The following U2SURP variants were observed in gnomAD, a reference collection of about 807,000 sequenced individuals.
U2SURP encodes the protein U2 snRNP associated SURP domain containing, also known as U2 snRNP-associated SURP motif-containing protein.
A neutral mutation model predicts 144.9 loss-of-function variants in U2SURP; 9 were observed. The observed-to-expected ratio is 0.06, with a 90% confidence interval of 0.04 to 0.11. The LOEUF is 0.11. Among genes scored for constraint, U2SURP ranks in the 10% least tolerant of loss-of-function variants. The probability of loss-of-function intolerance (pLI) is 1.00; values close to 1 mark genes in which losing one functional copy is unlikely to be tolerated. For missense variants in U2SURP, 724 were observed against 1,226.7 expected, an observed-to-expected ratio of 0.59 and a Z score of 6.12; for synonymous variants, 408 against 396.8, an observed-to-expected ratio of 1.03 and a Z score of -0.33.
At chr3:143,042,855 G>A (rs1934190479) in intron 23 of U2SURP, among the ~76,000 whole-genome samples, 1 of 152,136 alleles carries the variant, frequency 6.6e-6, no homozygotes, top group Non-Finnish European at 1.5e-5. Context: ...AAGGCACACA[G>A]ATAACAACAT....
In U2SURP at chr3:143,057,887, T is replaced by TG. The variant is rs143332183; in HGVS notation, c.*1438dup. 5,653 of 152,502 alleles carry TG rather than the reference T, an allele frequency of 0.037. 147 individuals carry two copies. Among genetic ancestry groups the TG allele is most frequent in the Middle Eastern group, 0.061 (18 of 294 alleles). The allele number at this position is 152,502 out of a possible 1,614,324, so 9.4% of individuals were successfully genotyped here. ...GAGAGTTCCTATATTAGCTGAGCAGTGAGATACACTATTTCCAAACGGTGC... is the reference window on the plus strand; with the variant it reads ...GAGAGTTCCTATATTAGCTGAGCAGTGGAGATACACTATTTCCAAACGGTGC... On this transcript the variant is annotated 3_prime_UTR_variant, in exon 28 of 28. Transcript: ENST00000473835.
At chr3:143,041,015 A>G (rs534519738) in intron 23 of U2SURP, among the ~76,000 whole-genome samples, 60 of 152,000 alleles carry the variant, frequency 3.9e-4, no homozygotes, top group African/African-American at 1.4e-3. Flanking sequence ...ATTGAAAGCA[A>G]ACATTTTGGT....
chr3:143,017,110 T>C (rs748923652), intron 6 of U2SURP, 135 bp downstream of exon 6: 10 of 712,120 alleles, frequency 1.4e-5, no homozygotes, highest in Non-Finnish European at 2.1e-5. Context: ...TTTGATGCTT[T>C]CTAACCCAGT....
Position 143,034,831 on chromosome 3 carries a change from A to G in U2SURP, c.1854-57A>G, listed in dbSNP as rs1260406907. 4.2e-6 allele frequency: 5 copies of G among 1,187,942 alleles called. No individual in the cohort carries two copies. In the African/African-American group the frequency reaches 4.6e-5, roughly 11 times the overall value. 73.6% of individuals were successfully genotyped at this position (1,187,942 alleles called of 1,614,324 possible). A position where few individuals can be genotyped will look rare whatever the true frequency, so the allele number is the denominator to read the frequency against. On this transcript the variant is annotated intron_variant, in intron 18 of 27. Coordinates refer to ENST00000473835, the MANE Select transcript of U2SURP (RefSeq NM_001080415.2). ...AGGGGTTTTCATTGGCTGGCATGCT[A>G]AAAGGGAAAGGAATTTTAAACATTT...
At position 143,055,083 on chromosome 3, in the gene U2SURP, A is replaced by G. The variant is rs1307264181; in HGVS notation, c.2915A>G (p.Lys972Arg). 9 of 1,605,982 alleles carry G rather than the reference A, an allele frequency of 5.6e-6. No individual in the cohort carries two copies. The highest frequency in any genetic ancestry group is 7.6e-6 in the Non-Finnish European group (9 of 1,176,880). ...KESSRSRSSH[K>R]DSPRDVSKKA... is the part of the protein sequence containing the mutation. Reference sequence around the variant, plus strand: ...AGCTCACGGTCCAGGTCATCTCACAAAGATTCTCCTAGAGATGTTAGCAAA... The same window carrying G: ...AGCTCACGGTCCAGGTCATCTCACAGAGATTCTCCTAGAGATGTTAGCAAA... The change falls in exon 27 of 28, where the codon AAA becomes AGA. Residue 972 changes from lysine to arginine, a missense_variant. Physicochemically the swap from Lys to Arg is conservative, Grantham distance 26. This residue lies in a region of U2SURP where 129 missense variants were observed against 196.1 expected (regional missense o/e 0.66). Coordinates refer to ENST00000473835, the MANE Select transcript of U2SURP (RefSeq NM_001080415.2).
intron 20 of U2SURP, 57 bp from the exon 21 acceptor site, chr3:143,037,122 A>G: frequency 2.0e-6 from 3 of 1,537,332 alleles, no homozygotes; most frequent in South Asian, 2.4e-5. Flanking sequence ...TTAATCTTAC[A>G]AGCAATGTGA....
chr3:143,029,931 A>G (rs968097663), intron 16 of U2SURP, among the ~76,000 whole-genome samples: 16 of 152,220 alleles, frequency 1.1e-4, no homozygotes, highest in African/African-American at 3.9e-4. Context: ...GCCAAAGCCT[A>G]ATCCTGAGCA....
At chr3:143,037,441 C>T (rs780971149) in intron 21 of U2SURP, 106 bp downstream of exon 21, 11 of 1,044,222 alleles carry the variant, frequency 1.1e-5, no homozygotes, top group Admixed American at 5.5e-5. Flanking sequence ...TTCTCATGAA[C>T]GTATCAAGTT....
At chr3:143,003,935 C>T (rs924021224) in intron 1 of U2SURP, among the ~76,000 whole-genome samples, 1 of 152,162 alleles carries the variant, frequency 6.6e-6, no homozygotes, top group Admixed American at 6.5e-5. Context: ...CGTGATCCAC[C>T]CGCCTCAGCC....
chr3:143,038,681 C>A (rs1216453519), intron 22 of U2SURP, among the ~76,000 whole-genome samples: 1 of 151,920 alleles, frequency 6.6e-6, no homozygotes, highest in Non-Finnish European at 1.5e-5. Context: ...ATAAGGATGA[C>A]ATTATTCGTC....
At chr3:143,021,597 C>T in intron 10 of U2SURP, 42 bp downstream of exon 10, 1 of 1,547,936 alleles carries the variant, frequency 6.5e-7, no homozygotes, top group Non-Finnish European at 8.8e-7. Flanking sequence ...ATGCTTTATG[C>T]TTTTGGAAGA....
At chr3:143,014,760 T>C (rs755163927) in intron 4 of U2SURP, among the ~76,000 whole-genome samples, 1 of 152,140 alleles carries the variant, frequency 6.6e-6, no homozygotes, top group Non-Finnish European at 1.5e-5. Context: ...TAACTTAACA[T>C]TGTATCTCAG....
intron 16 of U2SURP, among the ~76,000 whole-genome samples, chr3:143,029,905 C>T (rs577024683): frequency 2.6e-5 from 4 of 152,302 alleles, no homozygotes; most frequent in Admixed American, 1.3e-4. Flanking sequence ...TCAGACCAGC[C>T]ATAGCACTCC....
intron 24 of U2SURP, among the ~76,000 whole-genome samples, chr3:143,048,491 T>C (rs1257336185): frequency 6.6e-6 from 1 of 152,174 alleles, no homozygotes; most frequent in African/African-American, 2.4e-5. Context: ...CCCCTTGCTT[T>C]CTCAGCCTTA....
chr3:143,057,843 G>A lies in U2SURP; in HGVS notation c.*1393G>A, dbSNP rs1251138417. 6.6e-6 allele frequency: 1 copy of A among 152,230 alleles called. No individual in the cohort carries two copies. Among genetic ancestry groups the A allele is most frequent in the Non-Finnish European group, 1.5e-5 (1 of 67,840 alleles). The allele number at this position is 152,230 out of a possible 1,614,324, so 9.4% of individuals were successfully genotyped here. A position where few individuals can be genotyped will look rare whatever the true frequency, so the allele number is the denominator to read the frequency against. On this transcript the variant is annotated 3_prime_UTR_variant, in exon 28 of 28. Transcript: ENST00000473835. ...TTAATCTTGCCTAGTCACAAAATAA[G>A]ATGTGCACCCATGGTTTGGAGAGTT...
intron 3 of U2SURP, among the ~76,000 whole-genome samples, chr3:143,013,606 A>G (rs1452880416): frequency 1.3e-5 from 2 of 152,132 alleles, no homozygotes; most frequent in Admixed American, 6.5e-5. Flanking sequence ...AAATCAAATG[A>G]GTAACTGACT....
At chr3:143,024,503 C>A (rs1387508557) in intron 13 of U2SURP, 3 of 445,050 alleles carry the variant, frequency 6.7e-6, no homozygotes, top group Non-Finnish European at 1.3e-5. Flanking sequence ...CTATTATTGT[C>A]ATGAACACTG....
intron 25 of U2SURP, among the ~76,000 whole-genome samples, chr3:143,052,559 T>A (rs181695312): frequency 2.1e-4 from 32 of 152,344 alleles, no homozygotes; most frequent in African/African-American, 7.7e-4. Context: ...CCTTGCCTGA[T>A]TCTGTAAATA....
chr3:143,004,201 T>G (rs1441883469), intron 1 of U2SURP, among the ~76,000 whole-genome samples: 1 of 152,164 alleles, frequency 6.6e-6, no homozygotes, highest in African/African-American at 2.4e-5. Flanking sequence ...CTTTGGTAGT[T>G]ACATTCCCGT....
Sources: gnomAD v4.1 joint callset for allele counts (sites outside exome capture counted in the v4.1 genomes callset) on GRCh38, gnomAD v4.1.1 for gene constraint, gnomAD v4.1.1 regional missense constraint, MANE v1.5 for transcripts, NCBI Gene and HGNC (gene_info 2026-07-23, HGNC 2026-07-21) for gene names.